Variants in PDZRN4 observed in about 807,000 individuals in gnomAD.
PDZRN4 encodes the protein PDZ domain containing ring finger 4.
PDZRN4 carries 70 observed loss-of-function variants against 99.0 expected under a neutral mutation model. The observed-to-expected ratio is 0.71, with a 90% CI of 0.58 to 0.86. The LOEUF is 0.86. PDZRN4 is among the 40% of genes least tolerant of loss of function. PDZRN4 has a pLI of 0.00. For missense variants in PDZRN4, 1,474 were observed against 1,331.2 expected, an observed-to-expected ratio of 1.11 and a Z score of -1.67; for synonymous variants, 551 against 501.6, an observed-to-expected ratio of 1.10 and a Z score of -1.32.
chr12:41,214,466 C>T (rs1233660647), intron 3 of PDZRN4, among the ~76,000 whole-genome samples: 1 of 85,596 alleles, frequency 1.2e-5, no homozygotes, highest in Admixed American at 1.4e-4. Flanking sequence ...CTATTTGGGA[C>T]TGTTGAGAAA....
chr12:41,230,122 C>T (rs1951018617), intron 3 of PDZRN4, among the ~76,000 whole-genome samples: 1 of 151,976 alleles, frequency 6.6e-6, no homozygotes, highest in Admixed American at 6.6e-5. Context: ...GACATTGCTG[C>T]TGGGGAGGGC....
intron 3 of PDZRN4, among the ~76,000 whole-genome samples, chr12:41,430,871 C>T (rs923415864): frequency 3.9e-5 from 6 of 152,156 alleles, no homozygotes; most frequent in Non-Finnish European, 8.8e-5. Context: ...GAGGCTTCTG[C>T]TTCTGTGGAG....
intron 5 of PDZRN4, among the ~76,000 whole-genome samples, chr12:41,534,394 G>C (rs1938714473): frequency 6.6e-6 from 1 of 151,970 alleles, no homozygotes. Flanking sequence ...CAATACCTAG[G>C]TATTAAGCCC....
chr12:41,416,089 C>T (rs1952443142), intron 3 of PDZRN4, among the ~76,000 whole-genome samples: 1 of 152,026 alleles, frequency 6.6e-6, no homozygotes, highest in African/African-American at 2.4e-5. Flanking sequence ...ATATTTTTCC[C>T]AAATCATGCC....
At chr12:41,421,287 C>G (rs1469676070) in intron 3 of PDZRN4, among the ~76,000 whole-genome samples, 2 of 152,118 alleles carry the variant, frequency 1.3e-5, no homozygotes, top group Non-Finnish European at 2.9e-5. Flanking sequence ...CAACCTCTGT[C>G]TCCCAGGTTC....
intron 3 of PDZRN4, among the ~76,000 whole-genome samples, chr12:41,270,917 T>A (rs1224468206): frequency 6.6e-6 from 1 of 152,064 alleles, no homozygotes; most frequent in Non-Finnish European, 1.5e-5. Context: ...AAAAATTTGT[T>A]TAAAAATAAT....
chr12:41,288,873 C>G (rs796310861), intron 3 of PDZRN4, among the ~76,000 whole-genome samples: 18 of 151,854 alleles, frequency 1.2e-4, no homozygotes, highest in African/African-American at 4.1e-4. Context: ...TTAATTTTTC[C>G]TAGGATAACA....
At chr12:41,565,547 G>A (rs774714309) in intron 8 of PDZRN4, among the ~76,000 whole-genome samples, 2 of 149,868 alleles carry the variant, frequency 1.3e-5, no homozygotes, top group Non-Finnish European at 3.0e-5. Context: ...TATTTTATTC[G>A]GGGAGAATGT....
At chr12:41,201,228 T>A (rs1950814128) in intron 3 of PDZRN4, among the ~76,000 whole-genome samples, 1 of 151,576 alleles carries the variant, frequency 6.6e-6, no homozygotes, top group African/African-American at 2.4e-5. Flanking sequence ...TGGACAGGCC[T>A]CTCTGCTTTT....
intron 7 of PDZRN4, among the ~76,000 whole-genome samples, chr12:41,556,377 A>G (rs1939162442): frequency 6.6e-6 from 1 of 152,226 alleles, no homozygotes; most frequent in Non-Finnish European, 1.5e-5. Flanking sequence ...ACAGACCTAG[A>G]TGGTACAGCC....
chr12:41,270,026 A>G (rs2120856178), intron 3 of PDZRN4, among the ~76,000 whole-genome samples: 1 of 152,180 alleles, frequency 6.6e-6, no homozygotes, highest in Middle Eastern at 3.4e-3. Flanking sequence ...AATAAATTCT[A>G]ATGGGTCATT....
intron 3 of PDZRN4, among the ~76,000 whole-genome samples, chr12:41,481,476 C>G (rs1160163733): frequency 1.3e-5 from 2 of 152,164 alleles, no homozygotes; most frequent in African/African-American, 4.8e-5. Context: ...TACTCCCTCT[C>G]CCTGTTTTTC....
chr12:41,352,829 A>G (rs556090643), intron 3 of PDZRN4, among the ~76,000 whole-genome samples: 1 of 152,276 alleles, frequency 6.6e-6, no homozygotes, highest in African/African-American at 2.4e-5. Flanking sequence ...CATAGTCTTT[A>G]TTGTCATGAT....
At chr12:41,194,953 G>C (rs143323584) in intron 3 of PDZRN4, among the ~76,000 whole-genome samples, 6 of 151,872 alleles carry the variant, frequency 4.0e-5, no homozygotes, top group Admixed American at 3.3e-4. Flanking sequence ...AATATTTCTT[G>C]GTGTAATATG....
intron 4 of PDZRN4, among the ~76,000 whole-genome samples, chr12:41,508,244 AC>A (rs1938242288): frequency 6.6e-6 from 1 of 152,074 alleles, no homozygotes; most frequent in Non-Finnish European, 1.5e-5. Flanking sequence ...CCCAATGCCT[AC>A]CCCCTTAGCC....
chr12:41,286,554 A>C (rs1951424307), intron 3 of PDZRN4, among the ~76,000 whole-genome samples: 1 of 152,078 alleles, frequency 6.6e-6, no homozygotes, highest in South Asian at 2.1e-4. Context: ...CTGTTTCACA[A>C]TCCCATTTCA....
At chr12:41,288,161 G>C (rs554882365) in intron 3 of PDZRN4, among the ~76,000 whole-genome samples, 14 of 152,272 alleles carry the variant, frequency 9.2e-5, no homozygotes, top group Non-Finnish European at 1.9e-4. Flanking sequence ...GTAATACAGA[G>C]CTCTTCAGCG....
chr12:41,508,536 A>G (rs1409233511), intron 4 of PDZRN4, among the ~76,000 whole-genome samples: 1 of 152,176 alleles, frequency 6.6e-6, no homozygotes, highest in Non-Finnish European at 1.5e-5. Flanking sequence ...TCCTCACAGC[A>G]GGGCTCCCTT....
chr12:41,467,584 T>C (rs17129378), intron 3 of PDZRN4, among the ~76,000 whole-genome samples: 20,938 of 152,228 alleles, frequency 0.14, 1,480 homozygotes, highest in South Asian at 0.23. Flanking sequence ...TATCTGTCAC[T>C]ATGATAGGGC....
Sources: allele counts gnomAD v4.1 joint callset (sites outside exome capture counted in the v4.1 genomes callset), GRCh38; gene constraint gnomAD v4.1.1; transcripts MANE v1.5; gene names NCBI Gene and HGNC (gene_info 2026-07-23, HGNC 2026-07-21).